HOMER1: variants seen among roughly 807,000 people sequenced by gnomAD.
HOMER1 encodes homer scaffold protein 1.
HOMER1 carries 3 observed loss-of-function variants against 48.9 expected under a neutral mutation model. That is an observed-to-expected ratio of 0.06 (90% CI 0.03 to 0.16). The LOEUF (loss-of-function observed/expected upper bound fraction) is 0.16, where lower values mean the gene tolerates loss of function less well. Ranked by LOEUF, HOMER1 falls within the 10% of genes least tolerant of loss-of-function variation. HOMER1 has a pLI of 1.00. For synonymous variants in HOMER1, 134 were observed against 146.4 expected, an observed-to-expected ratio of 0.92 and a Z score of 0.61; for missense variants, 247 against 411.4, an observed-to-expected ratio of 0.60 and a Z score of 3.46.
chr5:79,434,496 T>C (rs1214814965), intron 5 of HOMER1, among the ~76,000 whole-genome samples: 4 of 152,126 alleles, frequency 2.6e-5, no homozygotes, highest in African/African-American at 7.2e-5. Context: ...TAATCTAAGA[T>C]TGGTTTCAAA....
intron 8 of HOMER1, among the ~76,000 whole-genome samples, chr5:79,381,350 G>T (rs1378844598): frequency 6.6e-6 from 1 of 152,202 alleles, no homozygotes; most frequent in Non-Finnish European, 1.5e-5. Flanking sequence ...CTACAGGAAA[G>T]AATCTTCCCC....
chr5:79,457,572 A>G (rs1751207033), intron 1 of HOMER1, among the ~76,000 whole-genome samples: 1 of 152,166 alleles, frequency 6.6e-6, no homozygotes, highest in African/African-American at 2.4e-5. Flanking sequence ...TGTGGAGAAA[A>G]TATGTGTTAG....
chr5:79,450,552 A>G (rs1040505871), intron 3 of HOMER1, among the ~76,000 whole-genome samples: 11 of 152,206 alleles, frequency 7.2e-5, no homozygotes, highest in African/African-American at 2.7e-4. Context: ...GATAAAGCAC[A>G]ATTTCCCCTA....
chr5:79,447,050 C>T lies in HOMER1; in HGVS notation c.387+3G>A. The T allele has an allele frequency of 6.6e-7, 1 of 1,520,620 alleles. No individual in the cohort carries two copies. Among genetic ancestry groups the T allele is most frequent in the South Asian group, 1.1e-5 (1 of 89,288 alleles). 94.2% of individuals were successfully genotyped at this position (1,520,620 alleles called of 1,614,324 possible). On this transcript the variant is annotated splice_donor_region_variant and intron_variant, in intron 4 of 8. Coordinates refer to ENST00000334082, the MANE Select transcript of HOMER1 (RefSeq NM_004272.5). ...TAATTAAGAATAGAAATGATATACCCACCTGTGAAGGTGTACTGGTAAGTT... is the reference window on the plus strand; with the variant it reads ...TAATTAAGAATAGAAATGATATACCTACCTGTGAAGGTGTACTGGTAAGTT...
rs112333151 is a variant in HOMER1, at chr5:79,400,722, T to TAAA, written c.684+1174_684+1176dup. Among the ~76,000 whole-genome samples, 309 of 123,244 alleles carry TAAA rather than the reference T, an allele frequency of 2.5e-3. 1 individual carries two copies. The highest frequency in any genetic ancestry group is 9.5e-3 in the African/African-American group (296 of 31,032). 80.9% of individuals were successfully genotyped at this position (123,244 alleles called of 152,430 possible). A position where few individuals can be genotyped will look rare whatever the true frequency, so the allele number is the denominator to read the frequency against. On this transcript the variant is annotated intron_variant, in intron 6 of 8. Transcript: ENST00000334082. ...GGTGAAGCACTTCTATGCCTTGAATTAAAAAAAAAAAAACTTCTTCTTTTT... is the reference window on the plus strand; with the variant it reads ...GGTGAAGCACTTCTATGCCTTGAATTAAAAAAAAAAAAAAAACTTCTTCTTTTT...
chr5:79,433,426 G>A (rs929653891), intron 5 of HOMER1, among the ~76,000 whole-genome samples: 2 of 152,024 alleles, frequency 1.3e-5, no homozygotes, highest in African/African-American at 4.8e-5. Flanking sequence ...AAATTAGCCA[G>A]TCGTGGTGAT....
At chr5:79,450,530 A>T (rs1175505244) in intron 3 of HOMER1, among the ~76,000 whole-genome samples, 2 of 152,212 alleles carry the variant, frequency 1.3e-5, no homozygotes, top group Admixed American at 1.3e-4. Flanking sequence ...AGCTCGGAGT[A>T]TTCCACATCC....
chr5:79,443,444 G>A (rs1027833242), intron 4 of HOMER1, among the ~76,000 whole-genome samples: 3 of 152,162 alleles, frequency 2.0e-5, no homozygotes, highest in African/African-American at 7.2e-5. Flanking sequence ...ACCGATCTGA[G>A]TTTTAGCAAG....
intron 1 of HOMER1, among the ~76,000 whole-genome samples, chr5:79,494,827 C>A (rs577935662): frequency 6.6e-6 from 1 of 152,236 alleles, no homozygotes; most frequent in Non-Finnish European, 1.5e-5. Context: ...CAAGATCGTG[C>A]CATTGCACTC....
At chr5:79,451,142 GAGCA>G (rs761265311) in intron 2 of HOMER1, 21 bp from the exon 3 acceptor site, 1 of 1,604,442 alleles carries the variant, frequency 6.2e-7, no homozygotes, top group Non-Finnish European at 8.5e-7. Flanking sequence ...AAGCAAGTAT[GAGCA>G]ACCAGCAAAA....
intron 1 of HOMER1, among the ~76,000 whole-genome samples, chr5:79,495,612 G>A (rs1273749773): frequency 6.6e-6 from 1 of 152,200 alleles, no homozygotes; most frequent in African/African-American, 2.4e-5. Flanking sequence ...AAATGCTCAT[G>A]AGGCACAGTG....
At chr5:79,430,197 A>G (rs1364556811) in intron 5 of HOMER1, among the ~76,000 whole-genome samples, 1 of 152,242 alleles carries the variant, frequency 6.6e-6, no homozygotes, top group African/African-American at 2.4e-5. Flanking sequence ...CAGTCTAATT[A>G]AAAATGAGCA....
At chr5:79,477,321 T>C (rs1299781144) in intron 1 of HOMER1, among the ~76,000 whole-genome samples, 1 of 152,272 alleles carries the variant, frequency 6.6e-6, no homozygotes, top group Non-Finnish European at 1.5e-5. Flanking sequence ...GTTATTATTA[T>C]ACCTTTTAAA....
At chr5:79,385,935 T>C (rs1320951056) in intron 8 of HOMER1, among the ~76,000 whole-genome samples, 4 of 148,646 alleles carry the variant, frequency 2.7e-5, no homozygotes, top group African/African-American at 9.9e-5. Flanking sequence ...ATTGAATGGA[T>C]AGAATGACTA....
At chr5:79,443,376 G>A (rs1467238593) in intron 4 of HOMER1, among the ~76,000 whole-genome samples, 1 of 152,162 alleles carries the variant, frequency 6.6e-6, no homozygotes, top group Non-Finnish European at 1.5e-5. Context: ...TGTTAGAAAT[G>A]CAAATCCTTG....
chr5:79,431,644 T>A lies in HOMER1; in HGVS notation c.527+7366A>T, dbSNP rs545999030. The stretch of plus-strand genomic sequence containing the variant: ...ATTTAGTATTTGAATTATATCTCAA[T>A]AAAGCTGAGATATAATAAAACAAGG... On this transcript the variant is annotated intron_variant, in intron 5 of 8. Transcript: ENST00000334082. 2.3e-3 allele frequency among the ~76,000 whole-genome samples: 348 copies of A among 152,244 alleles called. 1 individual carries two copies. The highest frequency in any genetic ancestry group is 5.9e-3 in the Admixed American group (90 of 15,298).
intron 1 of HOMER1, among the ~76,000 whole-genome samples, chr5:79,512,039 A>C (rs1752958510): frequency 1.3e-5 from 2 of 152,248 alleles, no homozygotes; most frequent in African/African-American, 4.8e-5. Context: ...AGAGTTAATA[A>C]AAGACTGGAA....
Position 79,513,695 on chromosome 5 carries a change from G to C in HOMER1, c.-921C>G, listed in dbSNP as rs1326213294. On this transcript the variant is annotated 5_prime_UTR_variant, in exon 1 of 9. Transcript: ENST00000334082. ...GCACAGCGGGTCTGAGGCTCCCGTC[G>C]GCGGAGAATGAATGAATCACAGAGC... 3.9e-5 allele frequency: 6 copies of C among 152,210 alleles called. No individual in the cohort carries two copies. The highest frequency in any genetic ancestry group is 3.9e-4 in the Admixed American group (6 of 15,268). 9.4% of individuals were successfully genotyped at this position (152,210 alleles called of 1,614,324 possible).
chr5:79,511,643 T>C (rs996900785), intron 1 of HOMER1, among the ~76,000 whole-genome samples: 3 of 152,244 alleles, frequency 2.0e-5, no homozygotes, highest in Admixed American at 1.3e-4. Context: ...TTCAAGTTTT[T>C]AAAACCATTA....
Sources: allele counts gnomAD v4.1 joint callset (sites outside exome capture counted in the v4.1 genomes callset), GRCh38; gene constraint gnomAD v4.1.1; transcripts MANE v1.5; gene names NCBI Gene and HGNC (gene_info 2026-07-23, HGNC 2026-07-21).